The following CHFR variants were observed in gnomAD, a reference collection of about 807,000 sequenced individuals.
CHFR encodes checkpoint with forkhead and ring finger domains.
Under a neutral mutation model 87.6 loss-of-function variants are expected in CHFR, and 57 were observed. The ratio of observed to expected loss-of-function variants is 0.65; its 90% confidence interval spans 0.53 to 0.81. The LOEUF (loss-of-function observed/expected upper bound fraction) is 0.81, where lower values mean the gene tolerates loss of function less well. Among genes scored for constraint, CHFR ranks in the 30% least tolerant of loss-of-function variants. The probability of loss-of-function intolerance (pLI) is 0.00; values close to 1 mark genes in which losing one functional copy is unlikely to be tolerated. For synonymous variants in CHFR, 381 were observed against 359.2 expected, an observed-to-expected ratio of 1.06 and a Z score of -0.69; for missense variants, 797 against 865.8, an observed-to-expected ratio of 0.92 and a Z score of 1.00.
rs572765702 is a variant in CHFR, at chr12:132,866,475, G to C, written c.583+3144C>G. The C allele has an allele frequency of 7.9e-5, 12 of 151,788 alleles. No homozygotes were observed. The South Asian group carries it at 1.0e-3, about 13-fold the overall frequency. 9.4% of individuals were successfully genotyped at this position (151,788 alleles called of 1,614,324 possible). A position where few individuals can be genotyped will look rare whatever the true frequency, so the allele number is the denominator to read the frequency against. ...ACACCGGGAATGTTACAACACACCA[G>C]AATGTTACAACACAGCATGTAACAC... is the stretch of plus-strand genomic sequence containing the variant. On this transcript the variant is annotated intron_variant, in intron 6 of 17. Transcript: ENST00000450056.
In CHFR at chr12:132,887,176, C is replaced by T. The variant is rs1303189294; in HGVS notation, c.133+20G>A. ...GGCTCTGCCCGGCCCCGGCCCCCGG[C>T]CCCGGCCTCAGCCCCGCACCTCGTC... On this transcript the variant is annotated intron_variant, in intron 2 of 17. Transcript: ENST00000450056. 2.0e-6 allele frequency: 3 copies of T among 1,470,574 alleles called. No individual in the cohort carries two copies. Among genetic ancestry groups the T allele is most frequent in the African/African-American group, 1.5e-5 (1 of 67,914 alleles). 91.1% of individuals were successfully genotyped at this position (1,470,574 alleles called of 1,614,324 possible).
intron 15 of CHFR, among the ~76,000 whole-genome samples, chr12:132,846,398 G>A (rs1336125425): frequency 6.6e-6 from 1 of 151,914 alleles, no homozygotes; most frequent in Admixed American, 6.6e-5. Flanking sequence ...GAGTAGCTGG[G>A]ACTACAGGCG....
chr12:132,861,346 T>A, intron 7 of CHFR, 121 bp downstream of exon 7: 3 of 989,878 alleles, frequency 3.0e-6, no homozygotes, highest in Non-Finnish European at 4.6e-6. Flanking sequence ...GGCATCAACC[T>A]GAGGCAGGGT....
rs1188219387 is a variant in CHFR at position 132,837,585 on chromosome 12, T to C, written c.*3969A>G. 6.6e-6 allele frequency: 1 copy of C among 152,412 alleles called. No homozygotes were observed. Among genetic ancestry groups the C allele is most frequent in the East Asian group, 1.9e-4 (1 of 5,196 alleles). The allele number at this position is 152,412 out of a possible 1,614,324, so 9.4% of individuals were successfully genotyped here. ...GCACTCATCACCTTTGTTTTCAGTG[T>C]AACTCAATTCTAAGTGTAGAGGATG... is the stretch of plus-strand genomic sequence containing the variant. On this transcript the variant is annotated 3_prime_UTR_variant, in exon 18 of 18. Transcript: ENST00000450056.
chr12:132,869,983 T>C, intron 5 of CHFR, 185 bp from the exon 6 acceptor site: 1 of 662,700 alleles, frequency 1.5e-6, no homozygotes, highest in Non-Finnish European at 2.6e-6. Flanking sequence ...TCGAGGCAGG[T>C]GTATCTCCTG....
At chr12:132,875,664 C>T (rs566431208) in intron 3 of CHFR, among the ~76,000 whole-genome samples, 8 of 152,294 alleles carry the variant, frequency 5.3e-5, no homozygotes, top group African/African-American at 1.9e-4. Flanking sequence ...CTGAGTAACA[C>T]TGACACAGAC....
rs979920790 is a variant in CHFR, at chr12:132,834,201, A to C, written c.*7353T>G. 6.6e-6 allele frequency: 1 copy of C among 152,260 alleles called. No individual in the cohort carries two copies. The highest frequency in any genetic ancestry group is 2.4e-5 in the African/African-American group (1 of 41,410). 9.4% of individuals were successfully genotyped at this position (152,260 alleles called of 1,614,324 possible). A position where few individuals can be genotyped will look rare whatever the true frequency, so the allele number is the denominator to read the frequency against. ...GGAAACAGCTCTCTTTGACAACATG[A>C]ATCTGGGATGTTTGAACACCAAGTG... On this transcript the variant is annotated 3_prime_UTR_variant, in exon 18 of 18. Transcript: ENST00000450056.
rs1323808548 is a variant in CHFR at position 132,848,124 on chromosome 12, G to A, written c.1608C>T (p.Gly536=). Residue 536 remains glycine (G), a synonymous_variant, in exon 14 of 18, where the codon GGC becomes GGT. Transcript: ENST00000450056. ...ELNLGDKCLD[G]VLNNNSYESD... ...ACTCGTAGCTGTTGTTGTTCAGCAC[G>A]CCGTCCAGACACTTGTCACCCAGGT... 7 of 1,613,982 alleles carry A rather than the reference G, an allele frequency of 4.3e-6. No individual in the cohort carries two copies. Among genetic ancestry groups the A allele is most frequent in the Non-Finnish European group, 5.1e-6 (6 of 1,180,012 alleles).
intron 7 of CHFR, among the ~76,000 whole-genome samples, chr12:132,860,206 CATTTG>C (rs1324297328): frequency 2.0e-5 from 3 of 152,148 alleles, no homozygotes; most frequent in Non-Finnish European, 4.4e-5. Context: ...TATCATGGTA[CATTTG>C]ATTTATCAAT....
At chr12:132,865,651 GTCT>G (rs1951316912) in intron 6 of CHFR, among the ~76,000 whole-genome samples, 2 of 127,018 alleles carry the variant, frequency 1.6e-5, no homozygotes, top group Admixed American at 8.8e-5. Flanking sequence ...GGGATTACAG[GTCT>G]TTTTTTTTTT....
intron 2 of CHFR, among the ~76,000 whole-genome samples, chr12:132,886,852 C>G (rs575560080): frequency 2.0e-5 from 3 of 152,312 alleles, no homozygotes; most frequent in East Asian, 3.9e-4. Context: ...TGTGGTGTTT[C>G]ATGTCCACAT....
rs965572694 is a variant in CHFR, at chr12:132,837,493, C to A, written c.*4061G>T. The A allele has an allele frequency of 1.3e-5, 2 of 153,764 alleles. No homozygotes were observed. The highest frequency in any genetic ancestry group is 4.8e-5 in the African/African-American group (2 of 41,454). 9.5% of individuals were successfully genotyped at this position (153,764 alleles called of 1,614,324 possible). A position where few individuals can be genotyped will look rare whatever the true frequency, so the allele number is the denominator to read the frequency against. On this transcript the variant is annotated 3_prime_UTR_variant, in exon 18 of 18. Transcript: ENST00000450056. ...TGCCATCCCACACAGGCCACAGAAGCACACACCCTCGGGCCTGCAGGTAAC... is the reference window on the plus strand; with the variant it reads ...TGCCATCCCACACAGGCCACAGAAGAACACACCCTCGGGCCTGCAGGTAAC...
intron 12 of CHFR, among the ~76,000 whole-genome samples, chr12:132,851,241 T>C (rs916662687): frequency 5.3e-5 from 8 of 152,114 alleles, no homozygotes; most frequent in African/African-American, 1.9e-4. Context: ...TCCACCTACC[T>C]TGGCCTCCCA....
chr12:132,876,763 A>G lies in CHFR; in HGVS notation c.233+792T>C, dbSNP rs543547155. 6.6e-4 allele frequency among the ~76,000 whole-genome samples: 100 copies of G among 152,278 alleles called. 1 individual carries two copies. In the South Asian group the frequency reaches 0.02, roughly 30 times the overall value. ...ACATCTTCTAATACCTTGGGAGCCT[A>G]ATTAACTACAGTCATGCCCCAGATA... On this transcript the variant is annotated intron_variant, in intron 3 of 17. Coordinates refer to ENST00000450056, the MANE Select transcript of CHFR (RefSeq NM_001161346.2).
At chr12:132,860,082 A>G (rs1336384616) in intron 7 of CHFR, among the ~76,000 whole-genome samples, 1 of 152,150 alleles carries the variant, frequency 6.6e-6, no homozygotes, top group Non-Finnish European at 1.5e-5. Context: ...AGAAGAAAAC[A>G]AAGGCAGTCA....
intron 6 of CHFR, among the ~76,000 whole-genome samples, chr12:132,865,152 C>T (rs879937797): frequency 6.6e-6 from 1 of 152,190 alleles, no homozygotes; most frequent in Non-Finnish European, 1.5e-5. Flanking sequence ...CACGCTGGAG[C>T]GGCCGGAACG....
rs1322576528 is a variant in CHFR at position 132,834,974 on chromosome 12, C to A, written c.*6580G>T. ...CCTCGTGATCCGCCCGCCTCAGCCT[C>A]CCAAAGTGCTGGGAGTACAGGCGTG... On this transcript the variant is annotated 3_prime_UTR_variant, in exon 18 of 18. Transcript: ENST00000450056. 6.6e-6 allele frequency: 1 copy of A among 152,266 alleles called. No homozygotes were observed. Among genetic ancestry groups the A allele is most frequent in the Non-Finnish European group, 1.5e-5 (1 of 68,098 alleles). The allele number at this position is 152,266 out of a possible 1,614,324, so 9.4% of individuals were successfully genotyped here. A position where few individuals can be genotyped will look rare whatever the true frequency, so the allele number is the denominator to read the frequency against.
rs2136906288 is a variant in CHFR at position 132,841,075 on chromosome 12, A to T, written c.*479T>A. 6.5e-6 allele frequency: 1 copy of T among 153,920 alleles called. No individual in the cohort carries two copies. The highest frequency in any genetic ancestry group is 2.0e-4 in the South Asian group (1 of 4,892). The allele number at this position is 153,920 out of a possible 1,614,324, so 9.5% of individuals were successfully genotyped here. A position where few individuals can be genotyped will look rare whatever the true frequency, so the allele number is the denominator to read the frequency against. On this transcript the variant is annotated 3_prime_UTR_variant, in exon 18 of 18. Transcript: ENST00000450056. ...AGCACCAAACCTATTAAAATAAAAAATAGATAAAATGCTGTGGTTTTCCCA... is the reference window on the plus strand; with the variant it reads ...AGCACCAAACCTATTAAAATAAAAATTAGATAAAATGCTGTGGTTTTCCCA...
At chr12:132,856,651 C>G in intron 9 of CHFR, 21 bp from the exon 10 acceptor site, 1 of 1,612,102 alleles carries the variant, frequency 6.2e-7, no homozygotes, top group Admixed American at 1.7e-5. Flanking sequence ...AAGGACACAG[C>G]GCCATTCACC....
Sources: gnomAD v4.1 joint callset for allele counts (sites outside exome capture counted in the v4.1 genomes callset) on GRCh38, gnomAD v4.1.1 for gene constraint, MANE v1.5 for transcripts, NCBI Gene and HGNC (gene_info 2026-07-23, HGNC 2026-07-21) for gene names.